The following EPCIP variants were observed in gnomAD, a reference collection of about 807,000 sequenced individuals.
The protein encoded by EPCIP is exosomal polycystin 1 interacting protein, also known as exosomal polycystin-1-interacting protein.
chr21:32,807,301 G>A, the EPCIP span, among the ~76,000 whole-genome samples: 3 of 148,674 alleles, frequency 2.0e-5, no homozygotes, highest in Non-Finnish European at 3.0e-5. Context: ...AAGCCAATGA[G>A]GCATGTTATT....
chr21:32,810,843 A>C, the EPCIP span, among the ~76,000 whole-genome samples: 4 of 152,164 alleles, frequency 2.6e-5, no homozygotes, highest in Non-Finnish European at 5.9e-5. Context: ...CCTATGAGAA[A>C]TGTTACTGTA....
chr21:32,809,700 C>T, the EPCIP span, among the ~76,000 whole-genome samples: 1 of 152,016 alleles, frequency 6.6e-6, no homozygotes, highest in Non-Finnish European at 1.5e-5. Flanking sequence ...GGACCCCATT[C>T]GCCTCATGCT....
chr21:32,793,687 G>T, the EPCIP span: 1 of 1,375,520 alleles, frequency 7.3e-7, no homozygotes, highest in Non-Finnish European at 1.0e-6. Flanking sequence ...CTATCTCACG[G>T]CCTTATTTCC....
chr21:32,810,793 GCCAAATACA>G, the EPCIP span: 1 of 400,136 alleles, frequency 2.5e-6, no homozygotes, highest in African/African-American at 2.1e-5. Context: ...AACTTAACAT[GCCAAATACA>G]CAGCTCCTGA....
At chr21:32,810,486 C>G in the EPCIP span, 1 of 444,058 alleles carries the variant, frequency 2.3e-6, no homozygotes, top group South Asian at 1.6e-5. Flanking sequence ...TGGTCTGACT[C>G]TCCTGACCTC....
chr21:32,793,271 A>T, the EPCIP span, among the ~76,000 whole-genome samples: 3 of 152,154 alleles, frequency 2.0e-5, no homozygotes, highest in Non-Finnish European at 4.4e-5. Flanking sequence ...TATAAAACTC[A>T]TAGTCCCCAA....
the EPCIP span, chr21:32,793,672 G>T: frequency 8.5e-7 from 1 of 1,172,752 alleles, no homozygotes; most frequent in South Asian, 1.2e-5. Flanking sequence ...TGTGGGTAGG[G>T]ATACCTATCT....
the EPCIP span, among the ~76,000 whole-genome samples, chr21:32,799,806 G>T: frequency 6.6e-6 from 1 of 152,118 alleles, no homozygotes; most frequent in Non-Finnish European, 1.5e-5. Context: ...GCCAGGTGTG[G>T]TGGTGCACAC....
At chr21:32,804,570 G>GT in the EPCIP span, among the ~76,000 whole-genome samples, 2 of 151,892 alleles carry the variant, frequency 1.3e-5, no homozygotes, top group African/African-American at 4.8e-5. Flanking sequence ...GATAACAAAT[G>GT]TATTACCATG....
chr21:32,794,479 A>C, the EPCIP span: 2 of 1,516,822 alleles, frequency 1.3e-6, no homozygotes, highest in Non-Finnish European at 1.8e-6. Context: ...AATTTGTTGG[A>C]ACTCACCTGA....
chr21:32,809,336 C>CTTTCTTTCTTTCTT, the EPCIP span, among the ~76,000 whole-genome samples: 3 of 129,060 alleles, frequency 2.3e-5, no homozygotes, highest in Admixed American at 8.6e-5. Context: ...TTCTTTCTTT[C>CTTTCTTTCTTTCTT]TTTCTTTCCT....
the EPCIP span, among the ~76,000 whole-genome samples, chr21:32,812,359 G>A: frequency 1.2e-3 from 183 of 152,188 alleles, 1 homozygote; most frequent in East Asian, 0.015. Flanking sequence ...TTCCCACTGG[G>A]GCCTATTGAC....
At chr21:32,808,611 T>C in the EPCIP span, among the ~76,000 whole-genome samples, 109,152 of 152,110 alleles carry the variant, frequency 0.72, 39,979 homozygotes, top group East Asian at 0.91. Context: ...TTTAAAATGC[T>C]TCCTGGGAAT....
chr21:32,792,917 T>A, the EPCIP span, among the ~76,000 whole-genome samples: 1 of 148,958 alleles, frequency 6.7e-6, no homozygotes, highest in African/African-American at 2.5e-5. Flanking sequence ...TTATTATTAT[T>A]TTTTTTTTTT....
the EPCIP span, chr21:32,793,682 T>G: frequency 7.5e-7 from 1 of 1,327,378 alleles, no homozygotes; most frequent in African/African-American, 1.4e-5. Flanking sequence ...GATACCTATC[T>G]CACGGCCTTA....
At chr21:32,795,424 G>A in the EPCIP span, among the ~76,000 whole-genome samples, 9 of 152,244 alleles carry the variant, frequency 5.9e-5, no homozygotes, top group African/African-American at 2.2e-4. Context: ...GGAATGAGAT[G>A]AGATGAGCAT....
chr21:32,809,265 T>TTCCGTCCC, the EPCIP span, among the ~76,000 whole-genome samples: 1 of 56,628 alleles, frequency 1.8e-5, no homozygotes, highest in Admixed American at 2.0e-4. Flanking sequence ...CTTTTCTTTC[T>TTCCGTCCC]TCCCTCCCTC....
At chr21:32,803,928 G>A in the EPCIP span, among the ~76,000 whole-genome samples, 3 of 152,214 alleles carry the variant, frequency 2.0e-5, no homozygotes. Context: ...TTCATTGTGC[G>A]GGGCAGGAAA....
the EPCIP span, chr21:32,793,462 C>T: frequency 2.0e-6 from 1 of 502,212 alleles, no homozygotes; most frequent in Non-Finnish European, 3.5e-6. Flanking sequence ...CGGGACATTT[C>T]CCTGCAGGCT....
Sources: gnomAD v4.1 joint callset for allele counts (sites outside exome capture counted in the v4.1 genomes callset) on GRCh38, gnomAD v4.1.1 for gene constraint, MANE v1.5 for transcripts, NCBI Gene and HGNC (gene_info 2026-07-23, HGNC 2026-07-21) for gene names.